ZNF248: variants seen among roughly 807,000 people sequenced by gnomAD.
The protein encoded by ZNF248 is KRAB protein domain.
A neutral mutation model predicts 44.3 loss-of-function variants in ZNF248; 20 were observed. The ratio of observed to expected loss-of-function variants is 0.45; its 90% CI spans 0.32 to 0.66. The LOEUF (loss-of-function observed/expected upper bound fraction) is 0.66. Among genes scored for constraint, ZNF248 ranks in the 30% least tolerant of loss-of-function variants. ZNF248 has a pLI of 0.04. For missense variants in ZNF248, 654 were observed against 677.0 expected (o/e 0.97, Z 0.38); for synonymous variants, 224 against 229.0 (o/e 0.98, Z 0.20).
At chr10:37,826,692 T>A (rs559420936), downstream of ZNF248, among the ~76,000 whole-genome samples, 1 of 152,194 alleles carries the variant, frequency 6.6e-6, no homozygotes, top group Non-Finnish European at 1.5e-5. Context: ...TAATTTCCTG[T>A]GGATGAGCTG....
At chr10:37,790,708 C>CTAAATAAA (rs149151524) in intron 6 of ZNF248, among the ~76,000 whole-genome samples, 402 of 147,692 alleles carry the variant, frequency 2.7e-3, no homozygotes, top group Middle Eastern at 6.8e-3. Flanking sequence ...GGCTCCGTCT[C>CTAAATAAA]TAAATAAATA....
At chr10:37,774,303 T>C (rs2046413174), downstream of ZNF248, among the ~76,000 whole-genome samples, 1 of 152,202 alleles carries the variant, frequency 6.6e-6, no homozygotes, top group South Asian at 2.1e-4. Context: ...AGGAAATTAA[T>C]ACACCAATAT....
At chr10:37,796,549 C>A (rs2049178207) in intron 6 of ZNF248, among the ~76,000 whole-genome samples, 1 of 152,046 alleles carries the variant, frequency 6.6e-6, no homozygotes, top group African/African-American at 2.4e-5. Flanking sequence ...AATAAATACA[C>A]CAAATGATGA....
chr10:37,831,300 G>A lies in ZNF248; in HGVS notation c.*315C>T, dbSNP rs1283536867. ...TGCTGCTGTCATTCAACTTTTATAA[G>A]CTTCAGATTCCACTGTGAATATGGG... On this transcript the variant is annotated 3_prime_UTR_variant, in exon 6 of 6. Transcript: ENST00000395867. The A allele has an allele frequency of 2.6e-6, 4 of 1,549,520 alleles. No homozygotes were observed. In the East Asian group the frequency reaches 9.8e-5, roughly 38 times the overall value.
rs200254634 is a variant in ZNF248 at position 37,832,314 on chromosome 10, C to G, written c.1041G>C (p.Met347Ile). ...CATTGTAATCATAAGACTTTCCCCC[C>G]ATGTGTACTATTTGATGTTTTAAGA... The part of the protein sequence containing the change: ...SALLKHQIVH[M>I]GGKSYDYNEN... The change falls in exon 6 of 6, where the codon ATG becomes ATC. Residue 347 changes from methionine to isoleucine, a missense_variant. By Grantham distance (10) the Met-to-Ile change is conservative (BLOSUM62 1). Transcript: ENST00000395867. The G allele has an allele frequency of 9.3e-6, 15 of 1,613,938 alleles. No homozygotes were observed. Among genetic ancestry groups the G allele is most frequent in the African/African-American group, 2.7e-5 (2 of 74,914 alleles).
At chr10:37,764,512 A>G in the ZNF248 span, among the ~76,000 whole-genome samples, 1 of 152,068 alleles carries the variant, frequency 6.6e-6, no homozygotes, top group Non-Finnish European at 1.5e-5. Context: ...ACCCTACTAG[A>G]ACACTCCCTC....
In ZNF248 at chr10:37,838,002, C is replaced by T; in HGVS notation, c.125G>A (p.Ser42Asn). Reference protein sequence around the residue: ...LYRDVILENYSNLVSVGYCIT... With the variant: ...LYRDVILENYNNLVSVGYCIT... ...CTCCTTACCTACTGAGACAAGATTG[C>T]TATAATTTTCCAGGATCACATCTCT... is the stretch of plus-strand genomic sequence containing the variant. The change falls in exon 4 of 6, where the codon AGC becomes AAC. Residue 42 changes from serine to asparagine, a missense_variant. By Grantham distance (46) the Ser-to-Asn change is conservative. Transcript: ENST00000395867. 1 of 1,613,504 alleles carries T rather than the reference C, an allele frequency of 6.2e-7. No homozygotes were observed. Among genetic ancestry groups the T allele is most frequent in the Non-Finnish European group, 8.5e-7 (1 of 1,179,646 alleles).
chr10:37,800,107 T>A (rs564727714), intron 6 of ZNF248, among the ~76,000 whole-genome samples: 1 of 152,050 alleles, frequency 6.6e-6, no homozygotes, highest in East Asian at 1.9e-4. Flanking sequence ...GTACATTAAT[T>A]TGAAAATTTA....
At chr10:37,811,779 A>C (rs2051558375) in intron 6 of ZNF248, among the ~76,000 whole-genome samples, 1 of 152,016 alleles carries the variant, frequency 6.6e-6, no homozygotes, top group African/African-American at 2.4e-5. Flanking sequence ...CAGGGAGGTC[A>C]AGGCTGCAAG....
At chr10:37,845,532 A>G (rs911297373) in intron 3 of ZNF248, among the ~76,000 whole-genome samples, 1 of 152,138 alleles carries the variant, frequency 6.6e-6, no homozygotes, top group Admixed American at 6.5e-5. Flanking sequence ...AGACAACTTT[A>G]AAGTAAAAGG....
intron 6 of ZNF248, among the ~76,000 whole-genome samples, chr10:37,785,902 T>G (rs571548464): frequency 6.6e-6 from 1 of 152,314 alleles, no homozygotes; most frequent in Non-Finnish European, 1.5e-5. Context: ...AGAAGGGGGT[T>G]GGATATCTGG....
At chr10:37,810,667 C>T (rs574620382) in intron 6 of ZNF248, among the ~76,000 whole-genome samples, 14 of 152,164 alleles carry the variant, frequency 9.2e-5, no homozygotes, top group African/African-American at 3.4e-4. Flanking sequence ...TATAAAATAT[C>T]TGAAGATACT....
At chr10:37,768,851 T>G in the ZNF248 span, among the ~76,000 whole-genome samples, 2 of 151,790 alleles carry the variant, frequency 1.3e-5, no homozygotes, top group Admixed American at 1.3e-4. Flanking sequence ...TTTGAAAGGA[T>G]CAACAAAATA....
intron 3 of ZNF248, among the ~76,000 whole-genome samples, chr10:37,843,284 G>A (rs899310384): frequency 4.6e-5 from 7 of 152,014 alleles, no homozygotes; most frequent in Admixed American, 4.6e-4. Flanking sequence ...AATTAGCTGG[G>A]CGTGGTGGCG....
At position 37,841,717 on chromosome 10, in the gene ZNF248, G is replaced by C. The variant is rs996706657; in HGVS notation, c.16-3606C>G. Among the ~76,000 whole-genome samples, 5 of 152,260 alleles carry C rather than the reference G, an allele frequency of 3.3e-5. No homozygotes were observed. In the East Asian group the frequency reaches 9.6e-4, roughly 29 times the overall value. On this transcript the variant is annotated intron_variant, in intron 3 of 5. Coordinates refer to ENST00000395867, the MANE Select transcript of ZNF248 (RefSeq NM_021045.3). ...AACATGACCACACTACCTCCACCAG[G>C]TAATCAACAGTGATAAATCATGCTC...
chr10:37,809,450 G>C (rs894240996), intron 6 of ZNF248, among the ~76,000 whole-genome samples: 2 of 152,072 alleles, frequency 1.3e-5, no homozygotes, highest in Middle Eastern at 3.4e-3. Context: ...GCTAATTTTT[G>C]TATTTTTAGT....
chr10:37,806,366 A>G (rs1001737485), intron 6 of ZNF248, among the ~76,000 whole-genome samples: 4 of 152,082 alleles, frequency 2.6e-5, no homozygotes, highest in African/African-American at 9.7e-5. Context: ...ATCCTCAACT[A>G]CACTTGATAT....
intron 3 of ZNF248, among the ~76,000 whole-genome samples, chr10:37,853,438 C>T (rs2060678966): frequency 6.6e-6 from 1 of 152,066 alleles, no homozygotes; most frequent in African/African-American, 2.4e-5. Context: ...AATGTGGTGG[C>T]GCAATCTCCG....
chr10:37,853,608 G>C (rs932369102), intron 3 of ZNF248, among the ~76,000 whole-genome samples: 1 of 151,312 alleles, frequency 6.6e-6, no homozygotes. Context: ...GCGAACTCCC[G>C]ACCTCAGGTA....
Sources: gnomAD v4.1 joint callset for allele counts (sites outside exome capture counted in the v4.1 genomes callset) on GRCh38, gnomAD v4.1.1 for gene constraint, MANE v1.5 for transcripts, NCBI Gene and HGNC (gene_info 2026-07-23, HGNC 2026-07-21) for gene names.